NALF1: variants seen among roughly 807,000 people sequenced by gnomAD.
NALF1 encodes family with sequence similarity 155 member A.
NALF1 carries 3 observed loss-of-function variants against 48.4 expected under a neutral mutation model. The observed-to-expected ratio is 0.06, with a 90% CI of 0.03 to 0.16. The LOEUF (loss-of-function observed/expected upper bound fraction) is 0.16, where lower values mean the gene tolerates loss of function less well. Among genes scored for constraint, NALF1 ranks in the 10% least tolerant of loss-of-function variants. NALF1 has a pLI of 1.00. For missense variants in NALF1, 526 were observed against 571.5 expected (o/e 0.92, Z 0.81); for synonymous variants, 262 against 245.7 (o/e 1.07, Z -0.62).
At chr13:107,201,168 CA>C (rs1879508355) in intron 2 of NALF1, among the ~76,000 whole-genome samples, 1 of 150,480 alleles carries the variant, frequency 6.6e-6, no homozygotes, top group East Asian at 2.0e-4. Flanking sequence ...ATCTATCTAT[CA>C]TCTATCTATC....
At chr13:107,865,647 G>A (rs771875682) in intron 1 of NALF1, 35 bp downstream of exon 1, 10 of 1,596,530 alleles carry the variant, frequency 6.3e-6, no homozygotes, top group Middle Eastern at 1.7e-4. Flanking sequence ...AGATAGGAAA[G>A]TGCAGGAAAG....
intron 1 of NALF1, among the ~76,000 whole-genome samples, chr13:107,449,931 T>C (rs1410575220): frequency 6.6e-6 from 1 of 152,136 alleles, no homozygotes; most frequent in Non-Finnish European, 1.5e-5. Context: ...GCTGTCTCCA[T>C]GAACACACTC....
chr13:107,447,364 T>C (rs1251514650), intron 1 of NALF1, among the ~76,000 whole-genome samples: 1 of 152,158 alleles, frequency 6.6e-6, no homozygotes, highest in East Asian at 1.9e-4. Context: ...CCTACAGGTG[T>C]TGTTACATTC....
At position 107,711,333 on chromosome 13, in the gene NALF1, T is replaced by C. The variant is rs190387054; in HGVS notation, c.915+154349A>G. ...CAAACTCATGGTCCTTGTTTGTTTG[T>C]TTGTTTATTTATTTATTTTTGAGAC... is the stretch of plus-strand genomic sequence containing the variant. On this transcript the variant is annotated intron_variant, in intron 1 of 2. Transcript: ENST00000375915. 9.2e-5 allele frequency among the ~76,000 whole-genome samples: 14 copies of C among 152,302 alleles called. No homozygotes were observed. The East Asian group carries it at 2.5e-3, about 27-fold the overall frequency.
intron 2 of NALF1, among the ~76,000 whole-genome samples, chr13:107,197,955 A>C (rs933630453): frequency 6.6e-6 from 1 of 152,228 alleles, no homozygotes; most frequent in Non-Finnish European, 1.5e-5. Flanking sequence ...TAAAACAGTT[A>C]TATAAAAGTA....
chr13:107,292,992 C>CTTTTTCTTTT (rs745529749), intron 1 of NALF1, among the ~76,000 whole-genome samples: 26,953 of 110,634 alleles, frequency 0.24, 3,564 homozygotes, highest in Non-Finnish European at 0.29. Context: ...TTTTCTTTTT[C>CTTTTTCTTTT]TTTTTTTTTT....
chr13:107,584,138 GTC>G (rs936516580), intron 1 of NALF1, among the ~76,000 whole-genome samples: 8 of 152,060 alleles, frequency 5.3e-5, no homozygotes, highest in African/African-American at 1.9e-4. Context: ...TCAATAAATA[GTC>G]TCTCTATCCT....
At chr13:107,526,595 T>C (rs1198754690) in intron 1 of NALF1, among the ~76,000 whole-genome samples, 1 of 152,134 alleles carries the variant, frequency 6.6e-6, no homozygotes, top group Non-Finnish European at 1.5e-5. Context: ...CGAACACTGG[T>C]AAATTATTGT....
chr13:107,481,540 T>C (rs1034071825), intron 1 of NALF1, among the ~76,000 whole-genome samples: 15 of 152,168 alleles, frequency 9.9e-5, no homozygotes, highest in African/African-American at 3.6e-4. Context: ...TGACTTTTTA[T>C]AGTTGAGTTT....
intron 1 of NALF1, among the ~76,000 whole-genome samples, chr13:107,549,963 C>T (rs1467387376): frequency 1.3e-5 from 2 of 151,954 alleles, no homozygotes; most frequent in East Asian, 3.9e-4. Context: ...TATTCATGAC[C>T]TTGGCATTTT....
At chr13:107,856,517 T>C (rs1880443858) in intron 1 of NALF1, among the ~76,000 whole-genome samples, 1 of 152,196 alleles carries the variant, frequency 6.6e-6, no homozygotes, top group Non-Finnish European at 1.5e-5. Context: ...AGGGTAAGTA[T>C]ATATACTTTA....
chr13:107,203,454 T>C (rs956483658), intron 2 of NALF1, among the ~76,000 whole-genome samples: 7 of 152,228 alleles, frequency 4.6e-5, no homozygotes, highest in Non-Finnish European at 8.8e-5. Flanking sequence ...GCAGTGCGCA[T>C]AGTCTGGCTT....
At chr13:107,816,609 G>A (rs907982096) in intron 1 of NALF1, among the ~76,000 whole-genome samples, 1 of 152,120 alleles carries the variant, frequency 6.6e-6, no homozygotes, top group Non-Finnish European at 1.5e-5. Flanking sequence ...AGATTTGGGT[G>A]AGGACACAGA....
At chr13:107,376,256 C>T (rs942643769) in intron 1 of NALF1, among the ~76,000 whole-genome samples, 9 of 152,158 alleles carry the variant, frequency 5.9e-5, no homozygotes. Context: ...AGGCCCCTGA[C>T]CAGAATCATC....
chr13:107,448,408 A>C (rs1884685525), intron 1 of NALF1, among the ~76,000 whole-genome samples: 1 of 152,156 alleles, frequency 6.6e-6, no homozygotes, highest in Non-Finnish European at 1.5e-5. Context: ...TGAAAGTATG[A>C]GAGATGATTT....
chr13:107,664,727 CTTGT>C (rs1183153359), intron 1 of NALF1, among the ~76,000 whole-genome samples: 1 of 152,142 alleles, frequency 6.6e-6, no homozygotes, highest in Non-Finnish European at 1.5e-5. Flanking sequence ...ACCCACATAG[CTTGT>C]TTTTCTTTTT....
intron 1 of NALF1, among the ~76,000 whole-genome samples, chr13:107,232,515 C>A (rs767824297): frequency 9.9e-5 from 15 of 152,154 alleles, no homozygotes; most frequent in Non-Finnish European, 1.6e-4. Context: ...TTATCCTAAT[C>A]ACAAATCATC....
intron 1 of NALF1, among the ~76,000 whole-genome samples, chr13:107,683,696 A>G (rs1881360779): frequency 6.6e-6 from 1 of 152,164 alleles, no homozygotes; most frequent in Admixed American, 6.5e-5. Context: ...GCAGGACTGA[A>G]GCTGACTCTA....
At chr13:107,585,638 C>T (rs1197067637) in intron 1 of NALF1, among the ~76,000 whole-genome samples, 1 of 152,134 alleles carries the variant, frequency 6.6e-6, no homozygotes, top group Non-Finnish European at 1.5e-5. Context: ...TGGGAAATTA[C>T]CAGCCATTTA....
Sources: gnomAD v4.1 joint callset for allele counts (sites outside exome capture counted in the v4.1 genomes callset) on GRCh38, gnomAD v4.1.1 for gene constraint, MANE v1.5 for transcripts, NCBI Gene and HGNC (gene_info 2026-07-23, HGNC 2026-07-21) for gene names.